The following KCNMB2 variants were observed in gnomAD, a reference collection of about 807,000 sequenced individuals.
KCNMB2 encodes the protein potassium calcium-activated channel subfamily M regulatory beta subunit 2.
KCNMB2 carries 9 observed loss-of-function variants against 24.5 expected under a neutral mutation model. The observed-to-expected ratio is 0.37, with a 90% CI of 0.22 to 0.64. The LOEUF is 0.64. Ranked by LOEUF, KCNMB2 falls within the 30% of genes least tolerant of loss-of-function variation. The pLI, the probability that KCNMB2 is intolerant of heterozygous loss-of-function variation, is 0.63. For synonymous variants in KCNMB2, 109 were observed against 104.4 expected (o/e 1.04, Z -0.27); for missense variants, 226 against 284.3 (o/e 0.79, Z 1.47).
Position 178,842,728 on chromosome 3 carries a change from A to G in KCNMB2, c.499A>G (p.Arg167Gly), listed in dbSNP as rs750427383. The G allele has an allele frequency of 6.2e-7, 1 of 1,613,530 alleles. No individual in the cohort carries two copies. Among genetic ancestry groups the G allele is most frequent in the Admixed American group, 1.7e-5 (1 of 60,022 alleles). ...GGTGAATGTTGTCATGGAAAACTTCAGGAAGTATCAACACTTCTCCTGCTA... is the reference window on the plus strand; with the variant it reads ...GGTGAATGTTGTCATGGAAAACTTCGGGAAGTATCAACACTTCTCCTGCTA... ...SLVNVVMENF[R>G]KYQHFSCYSD... is the part of the protein sequence containing the mutation. Residue 167 changes from arginine to glycine, a missense_variant, in exon 5 of 5, where the codon AGG becomes GGG. Physicochemically the swap from Arg to Gly is moderately radical, Grantham distance 125. Coordinates refer to ENST00000452583, the MANE Select transcript of KCNMB2 (RefSeq NM_181361.3).
Position 178,812,481 on chromosome 3 carries a change from T to C in KCNMB2, c.56+5016T>C, listed in dbSNP as rs568137163. 6.3e-3 allele frequency among the ~76,000 whole-genome samples: 932 copies of C among 148,476 alleles called. 9 individuals carry two copies. The highest frequency in any genetic ancestry group is 0.022 in the African/African-American group (898 of 40,506). Reference sequence around the variant, plus strand: ...CAATTCCCACCTATGAGTGAGAACATGCGGTGTTTGGTAATTTTAATATAT... The same window carrying C: ...CAATTCCCACCTATGAGTGAGAACACGCGGTGTTTGGTAATTTTAATATAT... On this transcript the variant is annotated intron_variant, in intron 2 of 4. Transcript: ENST00000452583.
intron 1 of KCNMB2, among the ~76,000 whole-genome samples, chr3:178,803,855 C>T (rs890185217): frequency 2.0e-5 from 3 of 152,114 alleles, no homozygotes; most frequent in Non-Finnish European, 2.9e-5. Flanking sequence ...AAGGTGTGTG[C>T]TTGAGAAATG....
At chr3:178,562,124 C>A (rs1222706975) in intron 1 of KCNMB2, among the ~76,000 whole-genome samples, 2 of 152,204 alleles carry the variant, frequency 1.3e-5, no homozygotes, top group African/African-American at 4.8e-5. Flanking sequence ...GGGTTCTTTG[C>A]CTACCTTTCT....
chr3:178,623,144 T>C (rs930188085), intron 1 of KCNMB2, among the ~76,000 whole-genome samples: 1 of 152,144 alleles, frequency 6.6e-6, no homozygotes, highest in African/African-American at 2.4e-5. Flanking sequence ...TCCTGCACAG[T>C]GTTATTTAGT....
intron 1 of KCNMB2, among the ~76,000 whole-genome samples, chr3:178,784,936 G>T (rs908236150): frequency 1.3e-5 from 2 of 149,544 alleles, no homozygotes; most frequent in African/African-American, 4.9e-5. Flanking sequence ...CTTAATGTTG[G>T]CATCTGGCCC....
intron 4 of KCNMB2, among the ~76,000 whole-genome samples, chr3:178,831,513 G>A (rs1229663096): frequency 6.6e-6 from 1 of 152,120 alleles, no homozygotes; most frequent in Non-Finnish European, 1.5e-5. Context: ...ATCAACAGTG[G>A]ACAGGATAAA....
intron 2 of KCNMB2, among the ~76,000 whole-genome samples, chr3:178,810,133 G>T (rs1714128980): frequency 6.6e-6 from 1 of 151,818 alleles, no homozygotes. Flanking sequence ...AGGTGTTCTT[G>T]GTGGCAATAA....
intron 1 of KCNMB2, among the ~76,000 whole-genome samples, chr3:178,806,037 T>C (rs919406354): frequency 6.6e-6 from 1 of 152,026 alleles, no homozygotes; most frequent in Non-Finnish European, 1.5e-5. Context: ...GCTGAGGAGG[T>C]AGGATTTCTT....
chr3:178,624,829 G>T (rs1396430552), intron 1 of KCNMB2, among the ~76,000 whole-genome samples: 1 of 151,954 alleles, frequency 6.6e-6, no homozygotes, highest in Admixed American at 6.6e-5. Context: ...GTGGGTGAGT[G>T]GGCAGCCAGG....
At chr3:178,569,561 T>C (rs1716695425) in intron 1 of KCNMB2, among the ~76,000 whole-genome samples, 1 of 152,184 alleles carries the variant, frequency 6.6e-6, no homozygotes, top group African/African-American at 2.4e-5. Flanking sequence ...CATAGTACTG[T>C]AGTCAGTTGT....
chr3:178,546,300 G>GA (rs1393054519), intron 1 of KCNMB2, among the ~76,000 whole-genome samples: 5 of 151,990 alleles, frequency 3.3e-5, no homozygotes, highest in Non-Finnish European at 7.4e-5. Context: ...AACTGAAAGT[G>GA]AAAAAAACTG....
At chr3:178,574,978 G>A (rs1716939498) in intron 1 of KCNMB2, among the ~76,000 whole-genome samples, 1 of 152,112 alleles carries the variant, frequency 6.6e-6, no homozygotes, top group Non-Finnish European at 1.5e-5. Flanking sequence ...TAAGGCAGGA[G>A]AATCACTTGA....
intron 1 of KCNMB2, among the ~76,000 whole-genome samples, chr3:178,545,999 A>G (rs1715760530): frequency 6.6e-6 from 1 of 152,190 alleles, no homozygotes; most frequent in Non-Finnish European, 1.5e-5. Context: ...CTCTCTGTGT[A>G]GATAACTCAA....
chr3:178,813,205 G>A (rs1238274032), intron 2 of KCNMB2, among the ~76,000 whole-genome samples: 1 of 151,994 alleles, frequency 6.6e-6, no homozygotes, highest in African/African-American at 2.4e-5. Flanking sequence ...TACTACCTTT[G>A]TATTGAAATG....
intron 1 of KCNMB2, among the ~76,000 whole-genome samples, chr3:178,596,942 A>T (rs894800885): frequency 2.0e-5 from 3 of 152,098 alleles, no homozygotes; most frequent in African/African-American, 7.2e-5. Flanking sequence ...TCTGCTTCAT[A>T]TTTAAGGTTT....
At chr3:178,763,196 C>T (rs1323515539) in intron 1 of KCNMB2, among the ~76,000 whole-genome samples, 1 of 152,108 alleles carries the variant, frequency 6.6e-6, no homozygotes. Context: ...AGAAATCAAA[C>T]TCATTAGGGA....
chr3:178,768,617 G>A (rs1026487010), intron 1 of KCNMB2, among the ~76,000 whole-genome samples: 5 of 152,110 alleles, frequency 3.3e-5, no homozygotes, highest in African/African-American at 4.8e-5. Context: ...CACTGCAGGA[G>A]GTATGGATTT....
chr3:178,593,135 G>A (rs1052653231), intron 1 of KCNMB2, among the ~76,000 whole-genome samples: 3 of 151,962 alleles, frequency 2.0e-5, no homozygotes, highest in African/African-American at 7.3e-5. Context: ...ACTTAAGCTT[G>A]GAGGCCAGAG....
intron 1 of KCNMB2, among the ~76,000 whole-genome samples, chr3:178,640,706 T>G (rs9835499): frequency 6.6e-6 from 1 of 152,080 alleles, no homozygotes; most frequent in Non-Finnish European, 1.5e-5. Context: ...TTTAATAAAG[T>G]TCAACTTATT....
Sources: allele counts gnomAD v4.1 joint callset (sites outside exome capture counted in the v4.1 genomes callset), GRCh38; gene constraint gnomAD v4.1.1; transcripts MANE v1.5; gene names NCBI Gene and HGNC (gene_info 2026-07-23, HGNC 2026-07-21).